The following VSNL1 variants were observed in gnomAD, a reference collection of about 807,000 sequenced individuals.
VSNL1 encodes the protein visinin like 1, also known as visinin-like protein 1.
In VSNL1, 6 loss-of-function variants were observed where a neutral mutation model predicts 20.4. The ratio of observed to expected loss-of-function variants is 0.29; its 90% CI spans 0.16 to 0.58. The LOEUF (loss-of-function observed/expected upper bound fraction) is 0.58. VSNL1 is among the 20% of genes least tolerant of loss of function. The probability of loss-of-function intolerance (pLI) is 0.90; values close to 1 mark genes in which losing one functional copy is unlikely to be tolerated. For missense variants in VSNL1, 100 were observed against 234.5 expected (o/e 0.43, Z 3.75); for synonymous variants, 93 against 86.4 (o/e 1.08, Z -0.42).
chr2:17,650,164 T>G (rs1666094381), intron 3 of VSNL1, among the ~76,000 whole-genome samples: 1 of 152,126 alleles, frequency 6.6e-6, no homozygotes, highest in Non-Finnish European at 1.5e-5. Flanking sequence ...GGCCTTCCAC[T>G]TCCTCTCTCT....
rs142305763 is a variant in VSNL1 at position 17,574,317 on chromosome 2, T to G, written c.-5-17753T>G. Among the ~76,000 whole-genome samples the G allele has an allele frequency of 3.3e-4, 50 of 152,330 alleles. No individual in the cohort carries two copies. In the East Asian group the frequency reaches 8.1e-3, roughly 25 times the overall value. ...TATATGGGCCAAAATACAGCACTTT[T>G]AGCCCTATCATCACATGAAACACTC... is the stretch of plus-strand genomic sequence containing the variant. On this transcript the variant is annotated intron_variant, in intron 1 of 3. Coordinates refer to ENST00000295156, the MANE Select transcript of VSNL1 (RefSeq NM_003385.5).
intron 2 of VSNL1, among the ~76,000 whole-genome samples, chr2:17,625,010 C>G (rs1208824220): frequency 1.3e-5 from 2 of 152,142 alleles, no homozygotes; most frequent in Admixed American, 1.3e-4. Context: ...TTTGGGGGAC[C>G]TGGTGGGAGA....
intron 1 of VSNL1, among the ~76,000 whole-genome samples, chr2:17,579,547 A>G (rs1356695683): frequency 1.3e-5 from 2 of 152,232 alleles, no homozygotes; most frequent in Non-Finnish European, 2.9e-5. Flanking sequence ...TCTTACAATG[A>G]CCTGGCAAAT....
At chr2:17,620,523 G>C (rs939380118) in intron 2 of VSNL1, among the ~76,000 whole-genome samples, 1 of 152,166 alleles carries the variant, frequency 6.6e-6, no homozygotes, top group Non-Finnish European at 1.5e-5. Flanking sequence ...TTCTGGATGG[G>C]GGACTCGAGC....
At chr2:17,635,596 C>T (rs182598879) in intron 2 of VSNL1, among the ~76,000 whole-genome samples, 114 of 152,280 alleles carry the variant, frequency 7.5e-4, no homozygotes, top group African/African-American at 2.6e-3. Context: ...TAGCTCCTGC[C>T]GTTGACTTTG....
At chr2:17,556,062 C>T (rs750688524) in intron 1 of VSNL1, among the ~76,000 whole-genome samples, 5 of 152,170 alleles carry the variant, frequency 3.3e-5, no homozygotes, top group Admixed American at 6.5e-5. Context: ...CCTTTTAAAA[C>T]ATGGCATCAA....
intron 1 of VSNL1, among the ~76,000 whole-genome samples, chr2:17,564,424 T>G (rs1663890127): frequency 6.6e-6 from 1 of 152,156 alleles, no homozygotes; most frequent in South Asian, 2.1e-4. Context: ...CTGTTCAGAG[T>G]GGTTTTTAAG....
intron 1 of VSNL1, among the ~76,000 whole-genome samples, chr2:17,573,898 T>C (rs969894880): frequency 1.3e-5 from 2 of 152,228 alleles, no homozygotes; most frequent in African/African-American, 4.8e-5. Context: ...AGAGTTTATC[T>C]AAGCTAGGAT....
intron 2 of VSNL1, among the ~76,000 whole-genome samples, chr2:17,648,792 A>G (rs959862297): frequency 6.6e-6 from 1 of 151,144 alleles, no homozygotes; most frequent in Non-Finnish European, 1.5e-5. Context: ...CTGTGAAGAA[A>G]CCTCTTTATG....
intron 2 of VSNL1, among the ~76,000 whole-genome samples, chr2:17,614,471 T>C (rs888946991): frequency 5.3e-5 from 8 of 152,244 alleles, no homozygotes; most frequent in African/African-American, 1.9e-4. Flanking sequence ...TGCTTAGCAG[T>C]CACAGGGAAG....
chr2:17,635,048 C>T (rs1665721168), intron 2 of VSNL1, among the ~76,000 whole-genome samples: 1 of 152,172 alleles, frequency 6.6e-6, no homozygotes. Flanking sequence ...GGTTTTCCTT[C>T]CACACATCTC....
At chr2:17,627,386 TAG>T (rs1415504347) in intron 2 of VSNL1, among the ~76,000 whole-genome samples, 1 of 152,230 alleles carries the variant, frequency 6.6e-6, no homozygotes, top group African/African-American at 2.4e-5. Context: ...GCCCACTGCC[TAG>T]ACAGAGGCGA....
intron 2 of VSNL1, among the ~76,000 whole-genome samples, chr2:17,617,866 TACATGCACATGC>T (rs70961500): frequency 6.6e-6 from 1 of 151,212 alleles, no homozygotes; most frequent in African/African-American, 2.4e-5. Context: ...TTCACCTGCA[TACATGCACATGC>T]ACATGCACGC....
At chr2:17,557,461 G>A (rs1663712719) in intron 1 of VSNL1, among the ~76,000 whole-genome samples, 1 of 152,100 alleles carries the variant, frequency 6.6e-6, no homozygotes, top group Non-Finnish European at 1.5e-5. Context: ...TCACAAAATG[G>A]CACCACTTAC....
intron 1 of VSNL1, among the ~76,000 whole-genome samples, chr2:17,558,787 T>C (rs183419835): frequency 1.3e-5 from 2 of 152,304 alleles, no homozygotes; most frequent in African/African-American, 4.8e-5. Flanking sequence ...GATATGCTTT[T>C]TTTTCTGGAG....
intron 2 of VSNL1, among the ~76,000 whole-genome samples, chr2:17,599,022 C>T (rs567686538): frequency 5.3e-5 from 8 of 152,312 alleles, no homozygotes; most frequent in East Asian, 1.9e-4. Context: ...TGGGATAAAA[C>T]GCAGCCCCTG....
intron 1 of VSNL1, among the ~76,000 whole-genome samples, chr2:17,562,559 T>C (rs1663841011): frequency 6.6e-6 from 1 of 152,214 alleles, no homozygotes; most frequent in Non-Finnish European, 1.5e-5. Flanking sequence ...GCATGTGTTC[T>C]TTCTGCTCCC....
intron 2 of VSNL1, among the ~76,000 whole-genome samples, chr2:17,616,493 A>G (rs1665219425): frequency 6.6e-6 from 1 of 152,224 alleles, no homozygotes; most frequent in African/African-American, 2.4e-5. Context: ...AAGAAGAGGT[A>G]GAATAGAGTG....
intron 1 of VSNL1, among the ~76,000 whole-genome samples, chr2:17,551,973 TGGATCAC>T (rs1248907556): frequency 7.5e-6 from 1 of 134,068 alleles, no homozygotes; most frequent in Non-Finnish European, 1.6e-5. Flanking sequence ...CCGAGGCGGG[TGGATCAC>T]GAGGTCAGGA....
Sources: gnomAD v4.1 joint callset for allele counts (sites outside exome capture counted in the v4.1 genomes callset) on GRCh38, gnomAD v4.1.1 for gene constraint, MANE v1.5 for transcripts, NCBI Gene and HGNC (gene_info 2026-07-23, HGNC 2026-07-21) for gene names.